Variants in HMGB1 observed in about 807,000 individuals in gnomAD.
HMGB1 encodes high mobility group protein B1.
For missense variants in HMGB1, 79 were observed against 253.5 expected, an observed-to-expected ratio of 0.31 and a Z score of 4.67; for synonymous variants, 81 against 84.0, an observed-to-expected ratio of 0.96 and a Z score of 0.19.
chr13:30,520,873 G>A (rs1019807864), intron 1 of HMGB1, among the ~76,000 whole-genome samples: 1 of 152,150 alleles, frequency 6.6e-6, no homozygotes, highest in Non-Finnish European at 1.5e-5. Context: ...TGGCAAGCAC[G>A]TGATGATTTA....
intron 1 of HMGB1, chr13:30,553,591 A>G (rs1366394982): frequency 3.5e-6 from 2 of 568,380 alleles, no homozygotes; most frequent in African/African-American, 3.8e-5. Flanking sequence ...TGACTATAAT[A>G]AACCACATTG....
rs398022159 is a variant in HMGB1 at position 30,458,331 on chromosome 13, G to GTTTTTTTTTTTTTTTTTTTTTTTT, written c.*3025_*3026insAAAAAAAAAAAAAAAAAAAAAAAA. ...TTCAAAAACCAGTTGTCTCTCCTGT[G>GTTTTTTTTTTTTTTTTTTTTTTTT]TTTTTTTTTTTTTTTTGAGATGGAG... On this transcript the variant is annotated 3_prime_UTR_variant, in exon 5 of 5. Transcript: ENST00000341423. 7.3e-6 allele frequency: 1 copy of GTTTTTTTTTTTTTTTTTTTTTTTT among 137,034 alleles called. No individual in the cohort carries two copies. The highest frequency in any genetic ancestry group is 2.8e-5 in the African/African-American group (1 of 36,242). The allele number at this position is 137,034 out of a possible 1,614,324, so 8.5% of individuals were successfully genotyped here. A position where few individuals can be genotyped will look rare whatever the true frequency, so the allele number is the denominator to read the frequency against.
chr13:30,498,621 C>T (rs1222382145), intron 1 of HMGB1, among the ~76,000 whole-genome samples: 1 of 134,720 alleles, frequency 7.4e-6, no homozygotes. Flanking sequence ...GCAAAGGAAT[C>T]AGCAAATTAT....
chr13:30,604,390 T>TC (rs1218125781), intron 1 of HMGB1, among the ~76,000 whole-genome samples: 2 of 152,076 alleles, frequency 1.3e-5, no homozygotes, highest in East Asian at 1.9e-4. Flanking sequence ...TAATCCAATA[T>TC]CCCCCCAAGG....
Position 30,460,091 on chromosome 13 carries a change from A to G in HMGB1, c.*1266T>C, listed in dbSNP as rs1472765258. On this transcript the variant is annotated 3_prime_UTR_variant, in exon 5 of 5. Transcript: ENST00000341423. ...TGCCAAATTGTTCCCTAAACTCCTA[A>G]GCAGATAAACATGACTAATGAATGA... 6.6e-6 allele frequency: 1 copy of G among 152,612 alleles called. No individual in the cohort carries two copies. Among genetic ancestry groups the G allele is most frequent in the Non-Finnish European group, 1.5e-5 (1 of 68,010 alleles). The allele number at this position is 152,612 out of a possible 1,614,324, so 9.5% of individuals were successfully genotyped here.
intron 1 of HMGB1, among the ~76,000 whole-genome samples, chr13:30,522,255 G>T (rs1355272711): frequency 1.3e-5 from 2 of 151,936 alleles, no homozygotes; most frequent in East Asian, 3.9e-4. Context: ...TGGGACCGCA[G>T]GTAGATGCCA....
chr13:30,604,994 AG>A (rs1441310261), intron 1 of HMGB1, among the ~76,000 whole-genome samples: 1 of 152,148 alleles, frequency 6.6e-6, no homozygotes, highest in Non-Finnish European at 1.5e-5. Flanking sequence ...ATATTCGCTG[AG>A]GGATTAAATG....
At chr13:30,469,211 C>T (rs978004245), upstream of HMGB1, among the ~76,000 whole-genome samples, 1 of 152,020 alleles carries the variant, frequency 6.6e-6, no homozygotes, top group Non-Finnish European at 1.5e-5. Flanking sequence ...GTGTTTTATC[C>T]CAAATTACAA....
chr13:30,530,024 T>C (rs1888459679), intron 1 of HMGB1, among the ~76,000 whole-genome samples: 1 of 152,072 alleles, frequency 6.6e-6, no homozygotes, highest in South Asian at 2.1e-4. Flanking sequence ...AATTCAACAA[T>C]GACACCCATT....
intron 1 of HMGB1, among the ~76,000 whole-genome samples, chr13:30,545,037 C>A (rs1269465422): frequency 2.0e-5 from 3 of 152,170 alleles, no homozygotes; most frequent in Middle Eastern, 6.3e-3. Flanking sequence ...CTTAAAAAAA[C>A]TATTTTTTTT....
At chr13:30,610,960 T>A (rs13378607) in intron 1 of HMGB1, among the ~76,000 whole-genome samples, 5,533 of 152,296 alleles carry the variant, frequency 0.036, 350 homozygotes, top group African/African-American at 0.13. Context: ...GAATAATGTA[T>A]CTTAACTGAT....
At chr13:30,566,507 G>A (rs1870192511) in intron 1 of HMGB1, among the ~76,000 whole-genome samples, 1 of 152,184 alleles carries the variant, frequency 6.6e-6, no homozygotes, top group Non-Finnish European at 1.5e-5. Flanking sequence ...CTTTTCATGT[G>A]TCATGAAATA....
chr13:30,591,769 C>T (rs1042035122), intron 1 of HMGB1, among the ~76,000 whole-genome samples: 6 of 152,072 alleles, frequency 3.9e-5, no homozygotes, highest in Non-Finnish European at 7.4e-5. Context: ...ACCACGCATG[C>T]CTGGCCACAA....
At chr13:30,517,915 T>C (rs1888136446) in intron 1 of HMGB1, among the ~76,000 whole-genome samples, 1 of 152,244 alleles carries the variant, frequency 6.6e-6, no homozygotes. Flanking sequence ...CTGGAAACTA[T>C]AACTGTAGAT....
chr13:30,595,001 GTTCT>G (rs777625683), intron 1 of HMGB1, among the ~76,000 whole-genome samples: 1 of 151,968 alleles, frequency 6.6e-6, no homozygotes, highest in Non-Finnish European at 1.5e-5. Flanking sequence ...GCATACAGAC[GTTCT>G]TTGTGTTGTT....
At chr13:30,572,401 GTTAT>G (rs1217040757) in intron 1 of HMGB1, among the ~76,000 whole-genome samples, 3 of 152,098 alleles carry the variant, frequency 2.0e-5, no homozygotes, top group African/African-American at 7.2e-5. Flanking sequence ...TAGAAGCTGG[GTTAT>G]TTATTATGAA....
intron 1 of HMGB1, among the ~76,000 whole-genome samples, chr13:30,569,705 CTA>C (rs1870347231): frequency 6.6e-6 from 1 of 152,138 alleles, no homozygotes; most frequent in Non-Finnish European, 1.5e-5. Context: ...AACTTCTTTC[CTA>C]TATCACCTTT....
At chr13:30,500,982 C>T (rs573541361) in intron 1 of HMGB1, among the ~76,000 whole-genome samples, 1 of 47,058 alleles carries the variant, frequency 2.1e-5, no homozygotes, top group Non-Finnish European at 1.3e-4. Context: ...CCACACCTGG[C>T]TAATTTTTTA....
chr13:30,469,721 C>T (rs1886876616), upstream of HMGB1, among the ~76,000 whole-genome samples: 1 of 152,188 alleles, frequency 6.6e-6, no homozygotes, highest in Non-Finnish European at 1.5e-5. Context: ...ACCTCTGCGT[C>T]CTTGGTTTAA....
Sources: allele counts gnomAD v4.1 joint callset (sites outside exome capture counted in the v4.1 genomes callset), GRCh38; gene constraint gnomAD v4.1.1; transcripts MANE v1.5; gene names NCBI Gene and HGNC (gene_info 2026-07-23, HGNC 2026-07-21).